Variants in SOX8 observed in about 807,000 individuals in gnomAD.
The protein encoded by SOX8 is SRY-box transcription factor 8.
SOX8 carries 9 observed loss-of-function variants against 22.9 expected under a neutral mutation model. That is an observed-to-expected ratio of 0.39 (90% CI 0.24 to 0.69). The LOEUF is 0.69. Ranked by LOEUF, SOX8 falls within the 30% of genes least tolerant of loss-of-function variation. The pLI, the probability that SOX8 is intolerant of heterozygous loss-of-function variation, is 0.43. For missense variants in SOX8, 734 were observed against 699.4 expected, an observed-to-expected ratio of 1.05 and a Z score of -0.56; for synonymous variants, 416 against 330.6, an observed-to-expected ratio of 1.26 and a Z score of -2.80.
chr16:984,882 C>T lies in SOX8; in HGVS notation c.837C>T (p.Ala279=), dbSNP rs781050383. ...GCGAGGTCATGGGCACCATGGACGC[C>T]TTCGACGTCCACGAGTTCGACCAGT... The part of the protein sequence containing the change: ...LSSEVMGTMD[A]FDVHEFDQYL... Residue 279 remains alanine (A), a synonymous_variant, in exon 3 of 3, where the codon GCC becomes GCT. Coordinates refer to ENST00000293894, the MANE Select transcript of SOX8 (RefSeq NM_014587.5). 1.9e-6 allele frequency: 3 copies of T among 1,611,506 alleles called. No homozygotes were observed. Among genetic ancestry groups the T allele is most frequent in the South Asian group, 2.2e-5 (2 of 90,976 alleles).
chr16:981,831 G>T lies in SOX8; in HGVS notation c.-92G>T. On this transcript the variant is annotated 5_prime_UTR_variant, in exon 1 of 3. Transcript: ENST00000293894. The stretch of plus-strand genomic sequence containing the variant: ...GGGGCGAGGGTCGGGGCCACCGCGC[G>T]GCGACCTCGGGTCCCGGAGCGACCG... 4.0e-6 allele frequency: 3 copies of T among 749,886 alleles called. No individual in the cohort carries two copies. Among genetic ancestry groups the T allele is most frequent in the South Asian group, 5.9e-5 (1 of 16,826 alleles). The allele number at this position is 749,886 out of a possible 1,614,324, so 46.5% of individuals were successfully genotyped here.
rs760118527 is a variant in SOX8 at position 984,916 on chromosome 16, C to G, written c.871C>G (p.Leu291Val). 6.8e-6 allele frequency: 11 copies of G among 1,606,428 alleles called. No homozygotes were observed. In the African/African-American group the frequency reaches 1.5e-4, roughly 22 times the overall value. The change falls in exon 3 of 3, where the codon CTG becomes GTG. Residue 291 changes from leucine (L) to valine (V), a missense_variant. Physicochemically the swap from Leu to Val is conservative, Grantham distance 32. Transcript: ENST00000293894. Reference protein sequence around the residue: ...DVHEFDQYLPLGGPAPPEPGQ... With the variant: ...DVHEFDQYLPVGGPAPPEPGQ... ...CCACGAGTTCGACCAGTACCTGCCC[C>G]TGGGCGGCCCCGCCCCACCCGAGCC...
At chr16:984,599 C>T (rs948127255) in intron 2 of SOX8, 102 bp from the exon 3 acceptor site, 11 of 681,232 alleles carry the variant, frequency 1.6e-5, no homozygotes, top group Middle Eastern at 8.2e-4. Context: ...CCGTTGATCC[C>T]CCTGGCAGTT....
In SOX8 at chr16:985,285, C is replaced by T; in HGVS notation, c.1240C>T (p.Pro414Ser). ...CCCCTGCTTCCACTCGCCGCGCCGG[C>T]CCTACGCCTCACCCCTGCTCAACGG... Reference protein sequence around the residue: ...QYPCFHSPRRPYASPLLNGLA... With the variant: ...QYPCFHSPRRSYASPLLNGLA... The change falls in exon 3 of 3, where the codon CCC becomes TCC. Residue 414 changes from proline to serine, a missense_variant. By Grantham distance (74) the Pro-to-Ser change is moderately conservative. Coordinates refer to ENST00000293894, the MANE Select transcript of SOX8 (RefSeq NM_014587.5). 1.2e-6 allele frequency: 2 copies of T among 1,611,028 alleles called. No homozygotes were observed. The highest frequency in any genetic ancestry group is 1.7e-6 in the Non-Finnish European group (2 of 1,179,588).
At position 985,230 on chromosome 16, in the gene SOX8, C is replaced by T. The variant is rs1188219700; in HGVS notation, c.1185C>T (p.Tyr395=). 6.2e-7 allele frequency: 1 copy of T among 1,612,128 alleles called. No individual in the cohort carries two copies. The highest frequency in any genetic ancestry group is 1.7e-5 in the Admixed American group (1 of 60,012). The part of the protein sequence containing the change: ...DLQASSYYGA[Y]PGYAPGLYQY... Reference sequence around the variant, plus strand: ...AGGCCTCCAGCTACTATGGTGCCTACCCTGGCTACGCACCCGGCCTCTACC... The same window carrying T: ...AGGCCTCCAGCTACTATGGTGCCTATCCTGGCTACGCACCCGGCCTCTACC... Residue 395 remains tyrosine, a synonymous_variant, in exon 3 of 3, where the codon TAC becomes TAT. Coordinates refer to ENST00000293894, the MANE Select transcript of SOX8 (RefSeq NM_014587.5).
rs754607776 is a variant in SOX8 at position 984,962 on chromosome 16, C to A, written c.917C>A (p.Ala306Asp). ...GAGCCGGGCCAGGCCTATGGGGGCG[C>A]CTACTTCCACGCCGGGGCGTCCCCC... Reference protein sequence around the residue: ...PPEPGQAYGGAYFHAGASPVW... With the variant: ...PPEPGQAYGGDYFHAGASPVW... Residue 306 changes from alanine (A) to aspartate (D), a missense_variant, in exon 3 of 3, where the codon GCC (alanine) becomes GAC (aspartate). Physicochemically the swap from Ala to Asp is moderately radical, Grantham distance 126 (BLOSUM62 -2). Transcript: ENST00000293894. The A allele has an allele frequency of 6.3e-7, 1 of 1,596,384 alleles. No individual in the cohort carries two copies.
Position 983,886 on chromosome 16 carries a change from C to T in SOX8, c.581C>T (p.Pro194Leu), listed in dbSNP as rs768467386. The change falls in exon 2 of 3, where the codon CCC becomes CTC. Residue 194 changes from proline (P) to leucine (L), a missense_variant. Around this residue, in one of 3 missense-constraint regions of SOX8, gnomAD observed 588 missense variants for 568.2 expected, o/e 1.03. Transcript: ENST00000293894. ...SDSDSGAELG[P>L]HPGGGAVYKA... ...TCCGACTCGGGCGCGGAGCTGGGAC[C>T]CCACCCTGGCGGCGGTGCCGTGTAC... The T allele has an allele frequency of 6.2e-7, 1 of 1,609,086 alleles. No homozygotes were observed.
rs1458073354 is a variant in SOX8, at chr16:985,140, C to T, written c.1095C>T (p.Ser365=). The T allele has an allele frequency of 3.1e-6, 5 of 1,601,428 alleles. No individual in the cohort carries two copies. Among genetic ancestry groups the T allele is most frequent in the Admixed American group, 3.4e-5 (2 of 59,240 alleles). ...SPDYGSCSGQ[S]SATPAAPAGP... is the part of the protein sequence containing the mutation. ...ACTACGGTTCCTGCAGCGGCCAGTC[C>T]AGCGCCACCCCGGCCGCCCCCGCCG... Residue 365 remains serine, a synonymous_variant, in exon 3 of 3, where the codon TCC becomes TCT. Coordinates refer to ENST00000293894, the MANE Select transcript of SOX8 (RefSeq NM_014587.5).
Position 985,527 on chromosome 16 carries a change from C to T in SOX8, c.*141C>T, listed in dbSNP as rs78370226. ...TCTGCAGGGAAACACGCTTGCTGCC[C>T]GTGGCCCTCGGCCTCCAGATGGCCA... is the stretch of plus-strand genomic sequence containing the variant. On this transcript the variant is annotated 3_prime_UTR_variant, in exon 3 of 3. Transcript: ENST00000293894. 1,886 of 678,680 alleles carry T rather than the reference C, an allele frequency of 2.8e-3. 30 individuals are homozygous for T. In the African/African-American group the frequency reaches 0.031, roughly 11 times the overall value. 42.0% of individuals were successfully genotyped at this position (678,680 alleles called of 1,614,324 possible). A position where few individuals can be genotyped will look rare whatever the true frequency, so the allele number is the denominator to read the frequency against.
chr16:982,017 C>G lies in SOX8; in HGVS notation c.95C>G (p.Ala32Gly), dbSNP rs1195868784. ...MSHVEDSDSDAPPSPAGSEGL... is the reference protein window; with the variant it reads ...MSHVEDSDSDGPPSPAGSEGL... ...CACGTGGAGGACTCGGACTCGGACG[C>G]GCCGCCGTCTCCCGCCGGCTCCGAG... The change falls in exon 1 of 3, where the codon GCG (alanine) becomes GGG (glycine). Residue 32 changes from alanine (A) to glycine (G), a missense_variant. Ala to Gly is a moderately conservative substitution (Grantham distance 60). This residue lies in a region of SOX8 where 139 missense variants were observed against 109.1 expected (regional missense o/e 1.27). Coordinates refer to ENST00000293894, the MANE Select transcript of SOX8 (RefSeq NM_014587.5). The G allele has an allele frequency of 2.9e-6, 4 of 1,402,316 alleles. No individual in the cohort carries two copies. The highest frequency in any genetic ancestry group is 5.1e-5 in the Admixed American group (2 of 39,312). The allele number at this position is 1,402,316 out of a possible 1,614,324, so 86.9% of individuals were successfully genotyped here.
chr16:983,957 A>G lies in SOX8; in HGVS notation c.652A>G (p.Thr218Ala). The G allele has an allele frequency of 6.6e-7, 1 of 1,523,414 alleles. No homozygotes were observed. Among genetic ancestry groups the G allele is most frequent in the Non-Finnish European group, 8.9e-7 (1 of 1,128,878 alleles). 94.4% of individuals were successfully genotyped at this position (1,523,414 alleles called of 1,614,324 possible). A position where few individuals can be genotyped will look rare whatever the true frequency, so the allele number is the denominator to read the frequency against. Residue 218 changes from threonine (T) to alanine (A), a missense_variant, in exon 2 of 3, where the codon ACA becomes GCA. Coordinates refer to ENST00000293894, the MANE Select transcript of SOX8 (RefSeq NM_014587.5). Reference protein sequence around the residue: ...LGDGHHHGDHTGQTHGPPTPP... With the variant: ...LGDGHHHGDHAGQTHGPPTPP... ...AGATGGGCACCACCATGGCGACCAC[A>G]CAGGTGGGCTCCAGGCCCCCCGCAT...
rs2073447303 is a variant in SOX8, at chr16:985,157, C to A, written c.1112C>A (p.Ala371Asp). ...CSGQSSATPAAPAGPFAGSQG... is the reference protein window; with the variant it reads ...CSGQSSATPADPAGPFAGSQG... ...GGCCAGTCCAGCGCCACCCCGGCCG[C>A]CCCCGCCGGCCCCTTCGCCGGCTCA... is the stretch of plus-strand genomic sequence containing the variant. The change falls in exon 3 of 3, where the codon GCC (alanine) becomes GAC (aspartate). Residue 371 changes from alanine to aspartate, a missense_variant. Ala to Asp is a moderately radical substitution (Grantham distance 126). Transcript: ENST00000293894. 1 of 1,605,906 alleles carries A rather than the reference C, an allele frequency of 6.2e-7. No homozygotes were observed. The highest frequency in any genetic ancestry group is 8.5e-7 in the Non-Finnish European group (1 of 1,176,890).
chr16:986,788 TG>T lies in SOX8; in HGVS notation c.*1403del, dbSNP rs2073466122. The stretch of plus-strand genomic sequence containing the variant: ...TTGTAGAAAAAAAAGATAATGCCTC[TG>T]CTTCTATTTCTCTGGGGGTGGGGGT... On this transcript the variant is annotated 3_prime_UTR_variant, in exon 3 of 3. Transcript: ENST00000293894. 6.8e-6 allele frequency: 1 copy of T among 147,756 alleles called. No individual in the cohort carries two copies. Among genetic ancestry groups the T allele is most frequent in the Non-Finnish European group, 1.5e-5 (1 of 66,728 alleles). 9.2% of individuals were successfully genotyped at this position (147,756 alleles called of 1,614,324 possible).
chr16:984,447 C>T (rs537822195), intron 2 of SOX8, among the ~76,000 whole-genome samples: 11 of 152,352 alleles, frequency 7.2e-5, no homozygotes, highest in East Asian at 1.9e-4. Flanking sequence ...CTGGGCCTGT[C>T]GGCTTCTTCC....
In SOX8 at chr16:985,042, C is replaced by A. The variant is rs766269666; in HGVS notation, c.997C>A (p.Pro333Thr). The stretch of plus-strand genomic sequence containing the variant: ...CTCCGCGTCGCCCACCGAGACGGGT[C>A]CCCCACGGCCGCACATCAAGACGGA... Reference protein sequence around the residue: ...SASASPTETGPPRPHIKTEQP... With the variant: ...SASASPTETGTPRPHIKTEQP... The change falls in exon 3 of 3, where the codon CCC (proline) becomes ACC (threonine). Residue 333 changes from proline to threonine, a missense_variant. Transcript: ENST00000293894. 7 of 1,577,484 alleles carry A rather than the reference C, an allele frequency of 4.4e-6. No individual in the cohort carries two copies. In the Admixed American group the frequency reaches 8.8e-5, roughly 20 times the overall value.
In SOX8 at chr16:985,562, C is replaced by T. The variant is rs1490404464; in HGVS notation, c.*176C>T. On this transcript the variant is annotated 3_prime_UTR_variant, in exon 3 of 3. Coordinates refer to ENST00000293894, the MANE Select transcript of SOX8 (RefSeq NM_014587.5). ...GGCCTCCAGATGGCCACACCTCTGCCGACGACGGACCAGCTCCCTCTCCCT... is the reference window on the plus strand; with the variant it reads ...GGCCTCCAGATGGCCACACCTCTGCTGACGACGGACCAGCTCCCTCTCCCT... 1.6e-5 allele frequency: 9 copies of T among 553,976 alleles called. No homozygotes were observed. Among genetic ancestry groups the T allele is most frequent in the East Asian group, 3.1e-5 (1 of 32,384 alleles). The allele number at this position is 553,976 out of a possible 1,614,324, so 34.3% of individuals were successfully genotyped here.
intron 2 of SOX8, among the ~76,000 whole-genome samples, 173 bp from the exon 3 acceptor site, chr16:984,528 G>A (rs1337908856): frequency 6.6e-6 from 1 of 152,216 alleles, no homozygotes; most frequent in African/African-American, 2.4e-5. Context: ...TTTCTCGGCC[G>A]AGGAGTGAGG....
rs1350991648 is a variant in SOX8 at position 985,393 on chromosome 16, A to G, written c.*7A>G. 4 of 1,523,150 alleles carry G rather than the reference A, an allele frequency of 2.6e-6. No homozygotes were observed. The highest frequency in any genetic ancestry group is 2.4e-5 in the East Asian group (1 of 40,940). 94.4% of individuals were successfully genotyped at this position (1,523,150 alleles called of 1,614,324 possible). A position where few individuals can be genotyped will look rare whatever the true frequency, so the allele number is the denominator to read the frequency against. ...CACCCTGACCAGGCCCTGAGGGCCCAGCCGCGGGGAGGGACTCGCAGGCGT... is the reference window on the plus strand; with the variant it reads ...CACCCTGACCAGGCCCTGAGGGCCCGGCCGCGGGGAGGGACTCGCAGGCGT... On this transcript the variant is annotated 3_prime_UTR_variant, in exon 3 of 3. Coordinates refer to ENST00000293894, the MANE Select transcript of SOX8 (RefSeq NM_014587.5).
At position 985,293 on chromosome 16, in the gene SOX8, C is replaced by T; in HGVS notation, c.1248C>T (p.Ala416=). 1 of 1,610,034 alleles carries T rather than the reference C, an allele frequency of 6.2e-7. No individual in the cohort carries two copies. Among genetic ancestry groups the T allele is most frequent in the Non-Finnish European group, 8.5e-7 (1 of 1,179,466 alleles). Residue 416 remains alanine, a synonymous_variant, in exon 3 of 3, where the codon GCC becomes GCT. Coordinates refer to ENST00000293894, the MANE Select transcript of SOX8 (RefSeq NM_014587.5). ...TCCACTCGCCGCGCCGGCCCTACGC[C>T]TCACCCCTGCTCAACGGCCTGGCCC... ...PCFHSPRRPY[A]SPLLNGLALP...
Sources: allele counts gnomAD v4.1 joint callset (sites outside exome capture counted in the v4.1 genomes callset), GRCh38; gene constraint gnomAD v4.1.1; regional missense constraint gnomAD v4.1.1; transcripts MANE v1.5; gene names NCBI Gene and HGNC (gene_info 2026-07-23, HGNC 2026-07-21).